HIPK3: variants seen among roughly 807,000 people sequenced by gnomAD.
The protein encoded by HIPK3 is homeodomain interacting protein kinase 3, also known as homeodomain-interacting protein kinase 3.
In HIPK3, 47 loss-of-function variants were observed where a neutral mutation model predicts 124.2. The observed-to-expected ratio is 0.38, with a 90% CI of 0.30 to 0.48. The LOEUF is 0.48. Ranked by LOEUF, HIPK3 falls within the 20% of genes least tolerant of loss-of-function variation. HIPK3 has a pLI of 0.98. For missense variants in HIPK3, 1,286 were observed against 1,454.3 expected (o/e 0.88, Z 1.88); for synonymous variants, 482 against 515.2 (o/e 0.94, Z 0.87).
chr11:33,341,231 T>G (rs1451058937), intron 7 of HIPK3, 104 bp downstream of exon 7: 1 of 759,334 alleles, frequency 1.3e-6, no homozygotes, highest in Non-Finnish European at 2.1e-6. Flanking sequence ...GAATGTACAG[T>G]GCTGTGAGGT....
chr11:33,285,132 A>G (rs984833161), intron 1 of HIPK3, among the ~76,000 whole-genome samples: 2 of 152,212 alleles, frequency 1.3e-5, no homozygotes, highest in Non-Finnish European at 2.9e-5. Context: ...TTATAAAATC[A>G]TTATACATTT....
intron 16 of HIPK3, 87 bp from the exon 17 acceptor site, chr11:33,353,005 A>C: frequency 1.3e-6 from 1 of 773,846 alleles, no homozygotes. Flanking sequence ...TCAATCACAA[A>C]GGGTATATTG....
rs561530115 is a variant in HIPK3 at position 33,282,928 on chromosome 11, A to C, written c.-2-3485A>C. ...CCTAGTCTCTTAGAAAAACTATTGC[A>C]GATAAGATTGGAAGCCTCACAAAAG... On this transcript the variant is annotated intron_variant, in intron 1 of 16. Transcript: ENST00000303296. 2.4e-4 allele frequency among the ~76,000 whole-genome samples: 37 copies of C among 152,316 alleles called. No individual in the cohort carries two copies. The South Asian group carries it at 7.3e-3, about 30-fold the overall frequency.
At chr11:33,281,108 C>T (rs922197564) in intron 1 of HIPK3, among the ~76,000 whole-genome samples, 20 of 130,002 alleles carry the variant, frequency 1.5e-4, no homozygotes, top group Admixed American at 9.2e-5. Context: ...CTTGCTCTGT[C>T]GCCCAGGCTG....
chr11:33,314,448 T>C (rs1565080785), intron 2 of HIPK3, among the ~76,000 whole-genome samples: 1 of 150,902 alleles, frequency 6.6e-6, no homozygotes, highest in Non-Finnish European at 1.5e-5. Context: ...AGGTCAGGAG[T>C]TCAAGAGCAG....
chr11:33,274,070 T>C (rs1851209140), intron 1 of HIPK3, among the ~76,000 whole-genome samples: 1 of 152,214 alleles, frequency 6.6e-6, no homozygotes, highest in African/African-American at 2.4e-5. Context: ...TGAAAAGTTT[T>C]ATAGAACCTG....
At chr11:33,300,949 G>A (rs2133925779) in intron 2 of HIPK3, among the ~76,000 whole-genome samples, 1 of 152,166 alleles carries the variant, frequency 6.6e-6, no homozygotes, top group Non-Finnish European at 1.5e-5. Flanking sequence ...GTTGCCAAGG[G>A]TGAGCTGAAG....
intron 15 of HIPK3, 86 bp downstream of exon 15, chr11:33,351,929 T>C: frequency 7.5e-6 from 9 of 1,193,940 alleles, no homozygotes; most frequent in Non-Finnish European, 1.1e-5. Flanking sequence ...GCCAAAGTCA[T>C]CTCTGAATTT....
chr11:33,290,627 T>TA (rs34107632), intron 2 of HIPK3, among the ~76,000 whole-genome samples: 84,249 of 144,354 alleles, frequency 0.58, 25,596 homozygotes, highest in Non-Finnish European at 0.69. Context: ...CCACTAGAGT[T>TA]AAAAAAAAAA....
chr11:33,337,301 T>C, intron 4 of HIPK3, 107 bp downstream of exon 4: 1 of 558,500 alleles, frequency 1.8e-6, no homozygotes, highest in Non-Finnish European at 2.8e-6. Context: ...ATTTCTTCCT[T>C]TTTTTGAATT....
chr11:33,291,324 T>C (rs988429471), intron 2 of HIPK3, among the ~76,000 whole-genome samples: 1 of 152,194 alleles, frequency 6.6e-6, no homozygotes, highest in Non-Finnish European at 1.5e-5. Flanking sequence ...AAGCAGGAAG[T>C]GGAAACTAAC....
At chr11:33,258,661 T>C (rs945779900) in intron 1 of HIPK3, 19 of 985,200 alleles carry the variant, frequency 1.9e-5, no homozygotes, top group Non-Finnish European at 2.2e-5. Flanking sequence ...TCTGTTTCTC[T>C]GTCGGGAGGG....
At chr11:33,296,674 T>A (rs1851849823) in intron 2 of HIPK3, among the ~76,000 whole-genome samples, 1 of 152,182 alleles carries the variant, frequency 6.6e-6, no homozygotes, top group African/African-American at 2.4e-5. Flanking sequence ...GTTACTATTA[T>A]AATCGTTTTG....
Position 33,286,564 on chromosome 11 carries a change from T to A in HIPK3, c.150T>A (p.Phe50Leu), listed in dbSNP as rs759285677. 5 of 1,614,168 alleles carry A rather than the reference T, an allele frequency of 3.1e-6. No homozygotes were observed. Among genetic ancestry groups the A allele is most frequent in the Non-Finnish European group, 4.2e-6 (5 of 1,180,030 alleles). Residue 50 changes from phenylalanine to leucine, a missense_variant, in exon 2 of 17, where the codon TTT becomes TTA. Physicochemically the swap from Phe to Leu is conservative, Grantham distance 22. Around this residue, in one of 3 missense-constraint regions of HIPK3, gnomAD observed 225 missense variants for 240.3 expected, o/e 0.94. Coordinates refer to ENST00000303296, the MANE Select transcript of HIPK3 (RefSeq NM_005734.5). Reference protein sequence around the residue: ...YPRTYVNGRNFGNSHPPTKGS... With the variant: ...YPRTYVNGRNLGNSHPPTKGS... Reference sequence around the variant, plus strand: ...GGACCTATGTGAATGGTAGAAACTTTGGAAATTCTCATCCTCCCACTAAGG... The same window carrying A: ...GGACCTATGTGAATGGTAGAAACTTAGGAAATTCTCATCCTCCCACTAAGG...
intron 3 of HIPK3, among the ~76,000 whole-genome samples, chr11:33,330,493 C>T (rs1260902325): frequency 3.3e-5 from 5 of 151,828 alleles, no homozygotes; most frequent in African/African-American, 1.2e-4. Context: ...CATGCCCGGC[C>T]AATTTTTGTA....
At chr11:33,327,066 A>G (rs1000573035) in intron 2 of HIPK3, among the ~76,000 whole-genome samples, 2 of 152,156 alleles carry the variant, frequency 1.3e-5, no homozygotes, top group African/African-American at 4.8e-5. Context: ...ATCTGTACTC[A>G]TACAGGTAAA....
intron 1 of HIPK3, among the ~76,000 whole-genome samples, chr11:33,273,618 A>G (rs1379470743): frequency 6.6e-6 from 1 of 151,556 alleles, no homozygotes; most frequent in East Asian, 1.9e-4. Flanking sequence ...CTACAGCCTG[A>G]GTAGAAAGAA....
chr11:33,346,959 T>C (rs1307706156), intron 8 of HIPK3, among the ~76,000 whole-genome samples: 1 of 152,002 alleles, frequency 6.6e-6, no homozygotes. Context: ...GAGGCCGAGG[T>C]AGGAGGATCT....
chr11:33,347,569 T>C (rs2133996923), intron 9 of HIPK3, 60 bp from the exon 10 acceptor site: 1 of 1,587,748 alleles, frequency 6.3e-7, no homozygotes, highest in Non-Finnish European at 8.6e-7. Flanking sequence ...GTTTAAGATA[T>C]GGTAAAGTTC....
Sources: gnomAD v4.1 joint callset for allele counts (sites outside exome capture counted in the v4.1 genomes callset) on GRCh38, gnomAD v4.1.1 for gene constraint, gnomAD v4.1.1 regional missense constraint, MANE v1.5 for transcripts, NCBI Gene and HGNC (gene_info 2026-07-23, HGNC 2026-07-21) for gene names.